DIP2C: variants seen among roughly 807,000 people sequenced by gnomAD.
The protein encoded by DIP2C is DIP2 acetate--CoA ligase C (putative).
In DIP2C, 33 loss-of-function variants were observed where a neutral mutation model predicts 192.4. The ratio of observed to expected loss-of-function variants is 0.17; its 90% CI spans 0.13 to 0.23. The LOEUF (loss-of-function observed/expected upper bound fraction) is 0.23. Ranked by LOEUF, DIP2C falls within the 10% of genes least tolerant of loss-of-function variation. The pLI is 1.00. For missense variants in DIP2C, 1,537 were observed against 2,110.1 expected, an observed-to-expected ratio of 0.73 and a Z score of 5.32; for synonymous variants, 979 against 864.1, an observed-to-expected ratio of 1.13 and a Z score of -2.33.
chr10:311,798 T>C (rs1956577824), intron 31 of DIP2C, among the ~76,000 whole-genome samples: 1 of 152,104 alleles, frequency 6.6e-6, no homozygotes, highest in African/African-American at 2.4e-5. Context: ...CTAAAAGAAA[T>C]GTTTTAAAGA....
At chr10:528,582 C>G (rs530394741) in intron 1 of DIP2C, among the ~76,000 whole-genome samples, 1 of 152,346 alleles carries the variant, frequency 6.6e-6, no homozygotes, top group African/African-American at 2.4e-5. Flanking sequence ...ATCTTGGACT[C>G]AGGAGGCGCT....
chr10:572,678 T>A (rs1849898666), intron 1 of DIP2C, among the ~76,000 whole-genome samples: 1 of 152,144 alleles, frequency 6.6e-6, no homozygotes, highest in African/African-American at 2.4e-5. Context: ...GGACAAAACT[T>A]CTCCATAATA....
chr10:332,005 C>G (rs1328066207), intron 29 of DIP2C, among the ~76,000 whole-genome samples: 1 of 152,156 alleles, frequency 6.6e-6, no homozygotes, highest in African/African-American at 2.4e-5. Context: ...CACTGTAGCC[C>G]TGACCTCATG....
At chr10:342,421 G>C (rs1371940862) in intron 28 of DIP2C, among the ~76,000 whole-genome samples, 1 of 152,220 alleles carries the variant, frequency 6.6e-6, no homozygotes, top group African/African-American at 2.4e-5. Flanking sequence ...GCCTCCCAAA[G>C]TGCTGGGATT....
chr10:628,229 G>A (rs1305150219), intron 1 of DIP2C, among the ~76,000 whole-genome samples: 4 of 152,292 alleles, frequency 2.6e-5, no homozygotes, highest in East Asian at 3.9e-4. Context: ...CTGAGATAAC[G>A]TCCAAAATTA....
intron 30 of DIP2C, among the ~76,000 whole-genome samples, chr10:327,929 C>G (rs1957346020): frequency 6.6e-6 from 1 of 152,202 alleles, no homozygotes; most frequent in South Asian, 2.1e-4. Flanking sequence ...GCTCAGCTCA[C>G]TCTGTGGCAC....
At chr10:357,108 T>C (rs1478009348) in intron 23 of DIP2C, among the ~76,000 whole-genome samples, 1 of 152,214 alleles carries the variant, frequency 6.6e-6, no homozygotes, top group East Asian at 1.9e-4. Context: ...TTTCATCCGT[T>C]TCATCAACAT....
Position 440,853 on chromosome 10 carries a change from G to T in DIP2C, c.394+18C>A. ...CCCGGCACATTCAGGAGGCCGTGTC[G>T]GGGAGCGTGTCCCTTACCTGGAGGG... is the stretch of plus-strand genomic sequence containing the variant. On this transcript the variant is annotated intron_variant, in intron 4 of 36. Transcript: ENST00000280886. 6.2e-7 allele frequency: 1 copy of T among 1,606,624 alleles called. No homozygotes were observed.
At chr10:558,403 G>C (rs778764052) in intron 1 of DIP2C, among the ~76,000 whole-genome samples, 33 of 152,200 alleles carry the variant, frequency 2.2e-4, no homozygotes, top group Admixed American at 2.0e-4. Flanking sequence ...TCGACCCCCA[G>C]ACCTAATCAT....
chr10:495,903 A>T (rs541360636), intron 1 of DIP2C, among the ~76,000 whole-genome samples: 1 of 151,548 alleles, frequency 6.6e-6, no homozygotes, highest in South Asian at 2.1e-4. Context: ...CATTACTTGC[A>T]ATACCCCAAA....
rs779875395 is a variant in DIP2C, at chr10:557,101, C to T, written c.86-70571G>A. Reference sequence around the variant, plus strand: ...GGCCCACGGGACACGGCCAGGAGACCGGCCACCTTGACACTGGGCGTAAGA... The same window carrying T: ...GGCCCACGGGACACGGCCAGGAGACTGGCCACCTTGACACTGGGCGTAAGA... On this transcript the variant is annotated intron_variant, in intron 1 of 36. Coordinates refer to ENST00000280886, the MANE Select transcript of DIP2C (RefSeq NM_014974.3). Among the ~76,000 whole-genome samples, 9 of 152,226 alleles carry T rather than the reference C, an allele frequency of 5.9e-5. 1 individual carries two copies. In the South Asian group the frequency reaches 1.2e-3, roughly 21 times the overall value.
intron 1 of DIP2C, among the ~76,000 whole-genome samples, chr10:586,051 ACT>A (rs1301029625): frequency 1.3e-5 from 2 of 152,124 alleles, no homozygotes; most frequent in Admixed American, 6.5e-5. Context: ...AAACGGCTCA[ACT>A]CTAAGGGCAG....
At chr10:536,398 T>A (rs2130882392) in intron 1 of DIP2C, among the ~76,000 whole-genome samples, 1 of 152,136 alleles carries the variant, frequency 6.6e-6, no homozygotes, top group East Asian at 1.9e-4. Context: ...TAGAGTTGTA[T>A]CTATCTGCAA....
At position 525,197 on chromosome 10, in the gene DIP2C, T is replaced by C. The variant is rs554669975; in HGVS notation, c.86-38667A>G. 3.9e-5 allele frequency among the ~76,000 whole-genome samples: 6 copies of C among 152,328 alleles called. No homozygotes were observed. The East Asian group carries it at 1.2e-3, about 29-fold the overall frequency. On this transcript the variant is annotated intron_variant, in intron 1 of 36. Transcript: ENST00000280886. The stretch of plus-strand genomic sequence containing the variant: ...TTTTGTTTAAATGTACTTAATTTTA[T>C]CACATTTTCATTTTATAATTTCAAA...
At chr10:448,271 GTCT>G (rs1968474807) in intron 3 of DIP2C, among the ~76,000 whole-genome samples, 5 of 122,446 alleles carry the variant, frequency 4.1e-5, no homozygotes, top group Admixed American at 8.0e-5. Context: ...ACTCATCCCT[GTCT>G]ATACTCAGGA....
intron 1 of DIP2C, among the ~76,000 whole-genome samples, chr10:633,740 C>T (rs895952588): frequency 6.6e-6 from 1 of 152,240 alleles, no homozygotes; most frequent in Admixed American, 6.5e-5. Flanking sequence ...GAAAAACTCC[C>T]TCCACCCATT....
intron 17 of DIP2C, among the ~76,000 whole-genome samples, chr10:372,819 C>T (rs1043525586): frequency 4.6e-5 from 7 of 151,468 alleles, no homozygotes; most frequent in African/African-American, 9.8e-5. Context: ...CACAGAAGCG[C>T]GGGTACTCCT....
intron 13 of DIP2C, among the ~76,000 whole-genome samples, chr10:388,986 C>A (rs1963227391): frequency 2.1e-5 from 3 of 145,026 alleles, no homozygotes; most frequent in Admixed American, 6.9e-5. Context: ...GGCCTCGGGG[C>A]ATCCCAAGGG....
In DIP2C at chr10:441,008, A is replaced by G; in HGVS notation, c.269-12T>C. The G allele has an allele frequency of 1.9e-6, 3 of 1,609,796 alleles. No homozygotes were observed. The highest frequency in any genetic ancestry group is 2.5e-6 in the Non-Finnish European group (3 of 1,178,890). ...TTCCGTGTGGACGTCTGAAACGGAG[A>G]GAGCTCAGTCACTCAGTGCTCAGCT... On this transcript the variant is annotated splice_polypyrimidine_tract_variant and intron_variant, in intron 3 of 36. Transcript: ENST00000280886.
Sources: allele counts gnomAD v4.1 joint callset (sites outside exome capture counted in the v4.1 genomes callset), GRCh38; gene constraint gnomAD v4.1.1; transcripts MANE v1.5; gene names NCBI Gene and HGNC (gene_info 2026-07-23, HGNC 2026-07-21).